Variants in PIK3C2G observed in about 807,000 individuals in gnomAD.
PIK3C2G encodes the protein phosphatidylinositol-4-phosphate 3-kinase catalytic subunit type 2 gamma, also known as phosphatidylinositol 3-kinase C2 domain-containing subunit gamma.
PIK3C2G carries 168 observed loss-of-function variants against 181.1 expected under a neutral mutation model. The observed-to-expected ratio is 0.93, with a 90% CI of 0.82 to 1.05. PIK3C2G has a LOEUF of 1.05. Ranked by LOEUF, PIK3C2G falls within the 50% of genes least tolerant of loss-of-function variation. The probability of loss-of-function intolerance (pLI) is 0.00; values close to 1 mark genes in which losing one functional copy is unlikely to be tolerated. For missense variants in PIK3C2G, 1,869 were observed against 1,732.8 expected, an observed-to-expected ratio of 1.08 and a Z score of -1.40; for synonymous variants, 573 against 592.2, an observed-to-expected ratio of 0.97 and a Z score of 0.47.
chr12:18,292,225 A>AT (rs1218635876), intron 4 of PIK3C2G, among the ~76,000 whole-genome samples: 35 of 55,342 alleles, frequency 6.3e-4, no homozygotes, highest in South Asian at 3.2e-3. Flanking sequence ...AAAAAAAAAA[A>AT]AAATATATAT....
intron 30 of PIK3C2G, among the ~76,000 whole-genome samples, chr12:18,602,873 C>G (rs777805075): frequency 3.3e-5 from 5 of 152,156 alleles, no homozygotes; most frequent in African/African-American, 9.7e-5. Flanking sequence ...ATCTGAACAA[C>G]ATCCTTCAGC....
chr12:18,383,592 T>C (rs761604744), intron 14 of PIK3C2G, among the ~76,000 whole-genome samples: 1 of 152,192 alleles, frequency 6.6e-6, no homozygotes, highest in Non-Finnish European at 1.5e-5. Context: ...GAGTTGGCAG[T>C]TTCAAAATAT....
Position 18,496,065 on chromosome 12 carries a change from T to A in PIK3C2G, c.2797T>A (p.Cys933Ser). 6.7e-7 allele frequency: 1 copy of A among 1,496,388 alleles called. No homozygotes were observed. Among genetic ancestry groups the A allele is most frequent in the Non-Finnish European group, 9.0e-7 (1 of 1,107,754 alleles). The allele number at this position is 1,496,388 out of a possible 1,614,324, so 92.7% of individuals were successfully genotyped here. ...LCIKGIDHDACSYFTSNALPL... is the reference protein window; with the variant it reads ...LCIKGIDHDASSYFTSNALPL... ...TTCCCTTTTTCTTTTCCTATAGGCA[T>A]GTTCATATTTTACATCTAATGCTTT... Residue 933 changes from cysteine (C) to serine (S), a missense_variant, in exon 21 of 33, where the codon TGT becomes AGT. Physicochemically the swap from Cys to Ser is moderately radical, Grantham distance 112. Transcript: ENST00000538779.
intron 18 of PIK3C2G, among the ~76,000 whole-genome samples, chr12:18,456,563 A>G (rs1326597302): frequency 6.6e-6 from 1 of 152,114 alleles, no homozygotes; most frequent in Non-Finnish European, 1.5e-5. Flanking sequence ...GCCCCAACCT[A>G]ATCTTTTATT....
At chr12:18,434,028 T>C (rs1946309444) in intron 18 of PIK3C2G, among the ~76,000 whole-genome samples, 1 of 152,096 alleles carries the variant, frequency 6.6e-6, no homozygotes, top group Admixed American at 6.5e-5. Context: ...ATCTGAGAAA[T>C]AAACAACAGA....
chr12:18,487,996 C>A (rs1158796705), intron 18 of PIK3C2G, among the ~76,000 whole-genome samples: 1 of 152,072 alleles, frequency 6.6e-6, no homozygotes, highest in Non-Finnish European at 1.5e-5. Context: ...CGGAAAAAGA[C>A]AGCACCTTTT....
At chr12:18,292,210 CAAA>C (rs745371375) in intron 4 of PIK3C2G, among the ~76,000 whole-genome samples, 1,482 of 28,468 alleles carry the variant, frequency 0.052, 129 homozygotes, top group East Asian at 0.41. Flanking sequence ...AACTCCATCT[CAAA>C]AAAAAAAAAA....
chr12:18,545,926 A>G (rs1041779213), intron 25 of PIK3C2G, among the ~76,000 whole-genome samples: 5 of 151,850 alleles, frequency 3.3e-5, no homozygotes, highest in Non-Finnish European at 5.9e-5. Context: ...TTCTTATTTT[A>G]TATCTATTTT....
intron 29 of PIK3C2G, among the ~76,000 whole-genome samples, chr12:18,567,291 C>A (rs980734294): frequency 6.6e-6 from 1 of 151,902 alleles, no homozygotes; most frequent in African/African-American, 2.4e-5. Flanking sequence ...CCCAGCTATT[C>A]AGGAGGCTGA....
At chr12:18,555,103 A>G (rs756530568) in intron 26 of PIK3C2G, among the ~76,000 whole-genome samples, 1 of 152,150 alleles carries the variant, frequency 6.6e-6, no homozygotes, top group Non-Finnish European at 1.5e-5. Flanking sequence ...CTTATGAGAA[A>G]TATTTTCCTG....
chr12:18,704,978 A>C, the PIK3C2G span, among the ~76,000 whole-genome samples: 1 of 152,164 alleles, frequency 6.6e-6, no homozygotes, highest in Non-Finnish European at 1.5e-5. Context: ...TATAAATTTT[A>C]ATCGAAATAT....
chr12:18,689,746 T>C, the PIK3C2G span, among the ~76,000 whole-genome samples: 2 of 152,194 alleles, frequency 1.3e-5, no homozygotes, highest in Non-Finnish European at 2.9e-5. Flanking sequence ...TGAAAATAAC[T>C]GGCCTAGACC....
chr12:18,352,632 C>T (rs1013684390), intron 11 of PIK3C2G, among the ~76,000 whole-genome samples: 3 of 152,150 alleles, frequency 2.0e-5, no homozygotes, highest in Admixed American at 6.5e-5. Flanking sequence ...AGCTGTTGTT[C>T]GGCATCCAGG....
chr12:18,637,127 T>G (rs1186437293), intron 31 of PIK3C2G, among the ~76,000 whole-genome samples: 1 of 152,160 alleles, frequency 6.6e-6, no homozygotes, highest in Non-Finnish European at 1.5e-5. Flanking sequence ...CAGTGTCAGT[T>G]GAGAGCCAGT....
chr12:18,290,519 T>C (rs1157532967), intron 3 of PIK3C2G, among the ~76,000 whole-genome samples: 1 of 152,190 alleles, frequency 6.6e-6, no homozygotes, highest in East Asian at 1.9e-4. Flanking sequence ...AACTCTGACA[T>C]CAAAAGCAAT....
At chr12:18,691,982 A>G in the PIK3C2G span, among the ~76,000 whole-genome samples, 4 of 152,172 alleles carry the variant, frequency 2.6e-5, no homozygotes, top group South Asian at 8.3e-4. Context: ...TAAAGTGGCT[A>G]GGTCCTGAAG....
chr12:18,612,620 A>G (rs1414353354), intron 31 of PIK3C2G, among the ~76,000 whole-genome samples: 2 of 152,104 alleles, frequency 1.3e-5, no homozygotes, highest in Admixed American at 1.3e-4. Context: ...ACAACTTTCT[A>G]CTATAAATGA....
intron 24 of PIK3C2G, among the ~76,000 whole-genome samples, chr12:18,511,810 G>A (rs1942227810): frequency 6.6e-6 from 1 of 151,924 alleles, no homozygotes; most frequent in African/African-American, 2.4e-5. Context: ...GAGTAGAAGT[G>A]TTTTAGTTTG....
Position 18,325,927 on chromosome 12 carries a change from G to C in PIK3C2G, c.1272+829G>C, listed in dbSNP as rs375104451. ...TTCTACTTTGTCAGCTGATGACATG[G>C]AGCCATTAGGCAGAGTAGTAGAATG... is the stretch of plus-strand genomic sequence containing the variant. On this transcript the variant is annotated intron_variant, in intron 8 of 32. Transcript: ENST00000538779. Among the ~76,000 whole-genome samples, 153 of 152,104 alleles carry C rather than the reference G, an allele frequency of 1.0e-3. 1 individual carries two copies. The highest frequency in any genetic ancestry group is 2.8e-3 in the African/African-American group (115 of 41,498).
Sources: allele counts gnomAD v4.1 joint callset (sites outside exome capture counted in the v4.1 genomes callset), GRCh38; gene constraint gnomAD v4.1.1; transcripts MANE v1.5; gene names NCBI Gene and HGNC (gene_info 2026-07-23, HGNC 2026-07-21).